The following COL5A2 variants were observed in gnomAD, a reference collection of about 807,000 sequenced individuals.
COL5A2 encodes the protein collagen alpha-2(V) chain.
A neutral mutation model predicts 208.2 loss-of-function variants in COL5A2; 23 were observed. The ratio of observed to expected loss-of-function variants is 0.11; its 90% CI spans 0.08 to 0.16. The LOEUF (loss-of-function observed/expected upper bound fraction) is 0.16. COL5A2 is among the 10% of genes least tolerant of loss of function. COL5A2 has a pLI of 1.00. For synonymous variants in COL5A2, 625 were observed against 628.5 expected, an observed-to-expected ratio of 0.99 and a Z score of 0.08; for missense variants, 1,590 against 1,956.4, an observed-to-expected ratio of 0.81 and a Z score of 3.53.
Position 189,064,998 on chromosome 2 carries a change from C to A in COL5A2, c.1617+6G>T, listed in dbSNP as rs1686117155. On this transcript the variant is annotated splice_donor_region_variant and intron_variant, in intron 24 of 53. Coordinates refer to ENST00000374866, the MANE Select transcript of COL5A2 (RefSeq NM_000393.5). ...GTAAGTATCAACATTGACAGGGCAA[C>A]CTCACCTTTGGCCCAGGTAAACCAT... The A allele has an allele frequency of 6.2e-7, 1 of 1,613,588 alleles. No individual in the cohort carries two copies. Among genetic ancestry groups the A allele is most frequent in the Non-Finnish European group, 8.5e-7 (1 of 1,179,756 alleles).
rs1222049457 is a variant in COL5A2, at chr2:189,092,369, G to A, written c.508C>T (p.Pro170Ser). The change falls in exon 7 of 54, where the codon CCT becomes TCT. Residue 170 changes from proline (P) to serine (S), a missense_variant. Coordinates refer to ENST00000374866, the MANE Select transcript of COL5A2 (RefSeq NM_000393.5). ...IDGEPGVPGQ[P>S]GAPGPPGHPS... ...TGTCCAGGAGGTCCTGGAGCACCAG[G>A]TTGACCAGGAACACCTGGTTCTCCA... is the stretch of plus-strand genomic sequence containing the variant. 6.2e-7 allele frequency: 1 copy of A among 1,609,144 alleles called. No homozygotes were observed. Among genetic ancestry groups the A allele is most frequent in the Admixed American group, 1.7e-5 (1 of 59,564 alleles).
chr2:189,338,519 C>A, the COL5A2 span, among the ~76,000 whole-genome samples: 1 of 152,158 alleles, frequency 6.6e-6, no homozygotes, highest in Non-Finnish European at 1.5e-5. Flanking sequence ...GCCAGCTCCC[C>A]CATTCTTCAG....
the COL5A2 span, among the ~76,000 whole-genome samples, chr2:189,428,344 G>A: frequency 6.6e-6 from 1 of 152,170 alleles, no homozygotes; most frequent in African/African-American, 2.4e-5. Context: ...TGTGAGCCAG[G>A]CATGGTGGCT....
intron 17 of COL5A2, among the ~76,000 whole-genome samples, chr2:189,075,062 C>A (rs1472596466): frequency 6.6e-6 from 1 of 152,086 alleles, no homozygotes; most frequent in East Asian, 1.9e-4. Context: ...TTTTCTGAGC[C>A]CACTGTGTTT....
chr2:189,181,587 C>T (rs563802309), upstream of COL5A2, among the ~76,000 whole-genome samples: 13 of 152,242 alleles, frequency 8.5e-5, no homozygotes, highest in Admixed American at 6.5e-4. Flanking sequence ...ACCCTGATAC[C>T]GAAGGGCTGG....
the COL5A2 span, among the ~76,000 whole-genome samples, chr2:189,397,501 T>C: frequency 2.0e-5 from 3 of 152,196 alleles, no homozygotes; most frequent in Non-Finnish European, 4.4e-5. Flanking sequence ...ATTGATTCTA[T>C]TTCTTTAATG....
chr2:189,038,938 C>G (rs1200279726), intron 51 of COL5A2, among the ~76,000 whole-genome samples: 1 of 152,076 alleles, frequency 6.6e-6, no homozygotes, highest in Non-Finnish European at 1.5e-5. Flanking sequence ...ATTAGCCCAC[C>G]TCGGCCTCCC....
intron 1 of COL5A2, among the ~76,000 whole-genome samples, chr2:189,135,183 T>C (rs1050321744): frequency 6.6e-6 from 1 of 152,224 alleles, no homozygotes; most frequent in African/African-American, 2.4e-5. Context: ...TAAAACCATA[T>C]ACATTCTAAT....
At chr2:189,378,635 A>T in the COL5A2 span, among the ~76,000 whole-genome samples, 8 of 152,048 alleles carry the variant, frequency 5.3e-5, no homozygotes, top group Non-Finnish European at 1.2e-4. Flanking sequence ...GAGGCAGCAG[A>T]ATGGCGTGAA....
the COL5A2 span, among the ~76,000 whole-genome samples, chr2:189,245,905 A>C: frequency 6.6e-6 from 1 of 152,316 alleles, no homozygotes; most frequent in African/African-American, 2.4e-5. Flanking sequence ...GGCTGGAGAA[A>C]TTCATGGTAT....
the COL5A2 span, among the ~76,000 whole-genome samples, chr2:189,239,159 T>G: frequency 6.6e-6 from 1 of 152,060 alleles, no homozygotes; most frequent in Non-Finnish European, 1.5e-5. Context: ...ACAGGGAGTG[T>G]AGACCCAAGT....
the COL5A2 span, among the ~76,000 whole-genome samples, chr2:189,377,402 G>T: frequency 1.7e-3 from 252 of 152,176 alleles, 1 homozygote; most frequent in African/African-American, 5.6e-3. Flanking sequence ...ATAATCACTG[G>T]ATAATCATAT....
the COL5A2 span, among the ~76,000 whole-genome samples, chr2:189,363,187 C>T: frequency 6.6e-6 from 1 of 152,046 alleles, no homozygotes; most frequent in Non-Finnish European, 1.5e-5. Context: ...TGTGTAGGAA[C>T]TTCAATGCTC....
At chr2:189,271,374 C>A in the COL5A2 span, among the ~76,000 whole-genome samples, 11 of 152,100 alleles carry the variant, frequency 7.2e-5, no homozygotes, top group Non-Finnish European at 1.6e-4. Flanking sequence ...ACCATCTGAC[C>A]TTTGACAAAC....
At chr2:189,323,365 A>G in the COL5A2 span, among the ~76,000 whole-genome samples, 1 of 152,158 alleles carries the variant, frequency 6.6e-6, no homozygotes, top group Non-Finnish European at 1.5e-5. Flanking sequence ...CAATTAGGAA[A>G]AGAGGAAGTC....
chr2:189,282,088 G>A, the COL5A2 span, among the ~76,000 whole-genome samples: 1 of 152,150 alleles, frequency 6.6e-6, no homozygotes, highest in African/African-American at 2.4e-5. Context: ...CGGAGGCTGA[G>A]GCAGGCAGAA....
At chr2:189,388,454 T>A in the COL5A2 span, among the ~76,000 whole-genome samples, 1 of 152,100 alleles carries the variant, frequency 6.6e-6, no homozygotes, top group Non-Finnish European at 1.5e-5. Flanking sequence ...GCATGCAGTG[T>A]GATAGGCAAA....
the COL5A2 span, among the ~76,000 whole-genome samples, chr2:189,416,218 C>A: frequency 6.6e-6 from 1 of 152,130 alleles, no homozygotes; most frequent in Non-Finnish European, 1.5e-5. Context: ...TGGGTATATA[C>A]CCAAAGGATT....
chr2:189,300,241 G>T, the COL5A2 span, among the ~76,000 whole-genome samples: 1 of 152,142 alleles, frequency 6.6e-6, no homozygotes, highest in African/African-American at 2.4e-5. Flanking sequence ...AAAGTTGGGT[G>T]GACATATTTT....
Sources: allele counts gnomAD v4.1 joint callset (sites outside exome capture counted in the v4.1 genomes callset), GRCh38; gene constraint gnomAD v4.1.1; transcripts MANE v1.5; gene names NCBI Gene and HGNC (gene_info 2026-07-23, HGNC 2026-07-21).